TLN2: variants seen among roughly 807,000 people sequenced by gnomAD.
TLN2 encodes talin-2.
TLN2 carries 118 observed loss-of-function variants against 294.7 expected under a neutral mutation model. That is an observed-to-expected ratio of 0.40 (90% confidence interval 0.34 to 0.47). The LOEUF (loss-of-function observed/expected upper bound fraction) is 0.47. TLN2 is among the 20% of genes least tolerant of loss of function. The probability of loss-of-function intolerance (pLI) is 0.84; values close to 1 mark genes in which losing one functional copy is unlikely to be tolerated. For synonymous variants in TLN2, 1,431 were observed against 1,304.5 expected (o/e 1.10, Z -2.09); for missense variants, 3,083 against 3,282.2 (o/e 0.94, Z 1.48).
chr15:62,430,500 A>C (rs2034955224), intron 1 of TLN2, among the ~76,000 whole-genome samples: 1 of 152,154 alleles, frequency 6.6e-6, no homozygotes, highest in Non-Finnish European at 1.5e-5. Flanking sequence ...ATTATTTGCG[A>C]GGTAGCAATT....
At chr15:62,743,946 G>A (rs910458975) in intron 32 of TLN2, among the ~76,000 whole-genome samples, 1 of 152,162 alleles carries the variant, frequency 6.6e-6, no homozygotes, top group African/African-American at 2.4e-5. Context: ...GTTCTTGCTG[G>A]ACGGGGCTCC....
At chr15:62,585,496 T>C (rs1206823198) in intron 1 of TLN2, among the ~76,000 whole-genome samples, 1 of 152,018 alleles carries the variant, frequency 6.6e-6, no homozygotes, top group Non-Finnish European at 1.5e-5. Context: ...CCTGAGCAAG[T>C]AGGAAGGGGT....
At chr15:62,488,603 A>G (rs1313861398) in intron 1 of TLN2, among the ~76,000 whole-genome samples, 1 of 152,226 alleles carries the variant, frequency 6.6e-6, no homozygotes, top group African/African-American at 2.4e-5. Context: ...AGCATTGCCA[A>G]TTAAAACAAA....
chr15:62,717,420 A>G (rs1019496534), intron 23 of TLN2, among the ~76,000 whole-genome samples, 156 bp from the exon 24 acceptor site: 3 of 152,192 alleles, frequency 2.0e-5, no homozygotes, highest in Admixed American at 6.5e-5. Context: ...AGCGTGTTGT[A>G]AGATTAGGGT....
At chr15:62,482,240 C>A (rs969411497) in intron 1 of TLN2, among the ~76,000 whole-genome samples, 19 of 152,100 alleles carry the variant, frequency 1.2e-4, no homozygotes, top group Admixed American at 8.5e-4. Context: ...ACACTGTAGA[C>A]CCTTATGGAC....
At chr15:62,419,652 G>A (rs2034276624) in intron 1 of TLN2, among the ~76,000 whole-genome samples, 1 of 130,824 alleles carries the variant, frequency 7.6e-6, no homozygotes, top group Non-Finnish European at 1.6e-5. Context: ...TTTTTGGGTG[G>A]GGGGAGGGGT....
chr15:62,540,928 A>C (rs966070736), intron 1 of TLN2, among the ~76,000 whole-genome samples: 1 of 152,088 alleles, frequency 6.6e-6, no homozygotes, highest in Non-Finnish European at 1.5e-5. Context: ...CCCCAGTCCA[A>C]CTCAGCTCTG....
intron 3 of TLN2, among the ~76,000 whole-genome samples, chr15:62,635,804 A>G (rs777603333): frequency 2.6e-5 from 4 of 152,208 alleles, no homozygotes; most frequent in African/African-American, 7.2e-5. Context: ...TGAAAGTTCA[A>G]TTATTAATAA....
intron 45 of TLN2, 80 bp from the exon 46 acceptor site, chr15:62,792,561 A>G (rs2065147768): frequency 1.3e-6 from 2 of 1,558,366 alleles, no homozygotes; most frequent in African/African-American, 2.7e-5. Context: ...AGGACATAGG[A>G]GAAATTTTCC....
At chr15:62,724,615 T>G (rs1222097354) in intron 26 of TLN2, among the ~76,000 whole-genome samples, 1 of 152,182 alleles carries the variant, frequency 6.6e-6, no homozygotes, top group African/African-American at 2.4e-5. Flanking sequence ...ACTGCATCTT[T>G]CCCATGACTC....
At chr15:62,806,277 G>C (rs537029198) in intron 51 of TLN2, among the ~76,000 whole-genome samples, 10 of 152,294 alleles carry the variant, frequency 6.6e-5, no homozygotes, top group African/African-American at 1.9e-4. Context: ...TGTTTGAGAG[G>C]GGATGGAGTC....
rs769507560 is a variant in TLN2 at position 62,762,449 on chromosome 15, A to G, written c.4957A>G (p.Ile1653Val). ...CTCCATCAAGAGTCTCATCACTTCT[A>G]TCAGGTCAGTTTCCCATCCGGAGGT... is the stretch of plus-strand genomic sequence containing the variant. Reference protein sequence around the residue: ...SDSIKSLITSIRDKAPGQREC... With the variant: ...SDSIKSLITSVRDKAPGQREC... Residue 1653 changes from isoleucine to valine, a missense_variant, in exon 39 of 59, where the codon ATC becomes GTC. Ile to Val is a conservative substitution (Grantham distance 29). Coordinates refer to ENST00000636159, the MANE Select transcript of TLN2 (RefSeq NM_015059.3). 5.0e-6 allele frequency: 8 copies of G among 1,613,586 alleles called. No homozygotes were observed. The highest frequency in any genetic ancestry group is 1.1e-5 in the South Asian group (1 of 91,062).
At chr15:62,738,652 G>A (rs140933877) in intron 30 of TLN2, among the ~76,000 whole-genome samples, 3 of 152,280 alleles carry the variant, frequency 2.0e-5, no homozygotes, top group Non-Finnish European at 2.9e-5. Flanking sequence ...TGTTGGAAGG[G>A]TACGTGTGTC....
chr15:62,797,507 A>G (rs1017286831), intron 48 of TLN2, 105 bp downstream of exon 48: 9 of 1,339,816 alleles, frequency 6.7e-6, no homozygotes, highest in African/African-American at 3.0e-5. Flanking sequence ...TGAAGTAGAC[A>G]ATGTGTGTGT....
intron 35 of TLN2, among the ~76,000 whole-genome samples, 177 bp from the exon 36 acceptor site, chr15:62,753,596 G>T (rs1387725855): frequency 6.6e-6 from 1 of 152,204 alleles, no homozygotes; most frequent in Non-Finnish European, 1.5e-5. Context: ...ATGTCAAGCT[G>T]GCATAAACCT....
chr15:62,504,362 G>A (rs1277563258), intron 1 of TLN2, among the ~76,000 whole-genome samples: 1 of 152,202 alleles, frequency 6.6e-6, no homozygotes, highest in African/African-American at 2.4e-5. Context: ...AAAGGGCTCA[G>A]AGTAGCCAAG....
chr15:62,426,353 A>G (rs572397160), intron 1 of TLN2, among the ~76,000 whole-genome samples: 1 of 152,344 alleles, frequency 6.6e-6, no homozygotes, highest in South Asian at 2.1e-4. Flanking sequence ...CTTGGGAGGC[A>G]GAGAGGAGCA....
chr15:62,393,900 C>G (rs2032310389), intron 1 of TLN2, among the ~76,000 whole-genome samples: 1 of 150,650 alleles, frequency 6.6e-6, no homozygotes, highest in South Asian at 2.1e-4. Context: ...CTCAGCCTTC[C>G]AAGTAGCTGG....
At position 62,766,304 on chromosome 15, in the gene TLN2, A is replaced by C. The variant is rs774539278; in HGVS notation, c.5095-17A>C. ...GGAGCTGTTATGGGATGAACTTGAC[A>C]CTTCTCTCCTTATCAGGCCCTGCAG... On this transcript the variant is annotated splice_polypyrimidine_tract_variant and intron_variant, in intron 40 of 58. Transcript: ENST00000636159. The C allele has an allele frequency of 6.2e-7, 1 of 1,603,812 alleles. No individual in the cohort carries two copies. Among genetic ancestry groups the C allele is most frequent in the Admixed American group, 1.7e-5 (1 of 59,848 alleles).
Sources: gnomAD v4.1 joint callset for allele counts (sites outside exome capture counted in the v4.1 genomes callset) on GRCh38, gnomAD v4.1.1 for gene constraint, MANE v1.5 for transcripts, NCBI Gene and HGNC (gene_info 2026-07-23, HGNC 2026-07-21) for gene names.